Variants in ELP4 observed in about 807,000 individuals in gnomAD.
The protein encoded by ELP4 is elongator complex protein 4.
ELP4 carries 51 observed loss-of-function variants against 48.9 expected under a neutral mutation model. The ratio of observed to expected loss-of-function variants is 1.04; its 90% CI spans 0.83 to 1.32. ELP4 has a LOEUF of 1.32. Among genes scored for constraint, ELP4 ranks in the 40% most tolerant of loss-of-function variants. The pLI is 0.00. For missense variants in ELP4, 519 were observed against 514.6 expected (o/e 1.01, Z -0.08); for synonymous variants, 210 against 189.2 (o/e 1.11, Z -0.90).
intron 3 of ELP4, among the ~76,000 whole-genome samples, chr11:31,542,000 CA>C (rs1956599523): frequency 6.6e-6 from 1 of 152,224 alleles, no homozygotes; most frequent in South Asian, 2.1e-4. Context: ...CGTGTCTGAC[CA>C]AGCTGCACAT....
chr11:31,625,293 A>G (rs1326009458), intron 5 of ELP4, among the ~76,000 whole-genome samples: 1 of 151,764 alleles, frequency 6.6e-6, no homozygotes, highest in Non-Finnish European at 1.5e-5. Flanking sequence ...AAACGTCCCT[A>G]TGCAGTGCAT....
intron 5 of ELP4, among the ~76,000 whole-genome samples, chr11:31,611,975 C>G (rs938937929): frequency 6.6e-6 from 1 of 151,974 alleles, no homozygotes; most frequent in Non-Finnish European, 1.5e-5. Context: ...GGGCACTGGG[C>G]CAAGAAGTAT....
chr11:31,600,684 A>C (rs1481013141), intron 4 of ELP4: 1 of 152,192 alleles, frequency 6.6e-6, no homozygotes, highest in African/African-American at 2.4e-5. Context: ...AGCCTTGTAA[A>C]ATAATTATTA....
chr11:31,609,283 AT>A lies in ELP4; in HGVS notation c.653+5382del, dbSNP rs576628324. Among the ~76,000 whole-genome samples, 17 of 151,876 alleles carry A rather than the reference AT, an allele frequency of 1.1e-4. No individual in the cohort carries two copies. In the East Asian group the frequency reaches 2.7e-3, roughly 24 times the overall value. Reference sequence around the variant, plus strand: ...ATTTGGCACGATCTCGTTGGGCTTTATTTTTTCTTGTTCATCCCTATTATTA... The same window carrying A: ...ATTTGGCACGATCTCGTTGGGCTTTATTTTTCTTGTTCATCCCTATTATTA... On this transcript the variant is annotated intron_variant, in intron 5 of 9. Transcript: ENST00000640961.
chr11:31,711,479 C>G lies in ELP4; in HGVS notation c.1143+61258C>G, dbSNP rs537642574. Among the ~76,000 whole-genome samples the G allele has an allele frequency of 6.1e-4, 93 of 152,142 alleles. 1 individual carries two copies. Among genetic ancestry groups the G allele is most frequent in the Non-Finnish European group, 1.0e-3 (68 of 68,010 alleles). On this transcript the variant is annotated intron_variant, in intron 9 of 9. Transcript: ENST00000640961. ...AAAGCACCAGTGAACTAATAATTAT[C>G]TCCTCTTTGTCATCAGAGTGGCCTA...
chr11:31,671,937 C>A (rs892162843), intron 9 of ELP4, among the ~76,000 whole-genome samples: 1 of 152,150 alleles, frequency 6.6e-6, no homozygotes, highest in African/African-American at 2.4e-5. Context: ...AGCTCCAGGT[C>A]TGTTACAGTA....
intron 9 of ELP4, among the ~76,000 whole-genome samples, chr11:31,772,944 C>G (rs1397793288): frequency 6.6e-6 from 1 of 152,240 alleles, no homozygotes; most frequent in Non-Finnish European, 1.5e-5. Flanking sequence ...ACCCACTTCT[C>G]TCTGGAAGAA....
chr11:31,742,900 A>C (rs369369320), intron 9 of ELP4, among the ~76,000 whole-genome samples: 1 of 152,170 alleles, frequency 6.6e-6, no homozygotes, highest in Non-Finnish European at 1.5e-5. Context: ...ACACATAACA[A>C]TATTAACTTT....
At chr11:31,560,752 AT>A (rs1957012565) in intron 3 of ELP4, among the ~76,000 whole-genome samples, 1 of 151,282 alleles carries the variant, frequency 6.6e-6, no homozygotes, top group Admixed American at 6.6e-5. Flanking sequence ...TTGTATATAT[AT>A]ACGTACAGTC....
chr11:31,533,816 T>G (rs918435610), intron 2 of ELP4, among the ~76,000 whole-genome samples: 4 of 150,704 alleles, frequency 2.7e-5, no homozygotes, highest in South Asian at 2.1e-4. Context: ...TAGGTAAGAG[T>G]TTTTTTTGTT....
intron 9 of ELP4, among the ~76,000 whole-genome samples, chr11:31,781,301 T>C (rs1327442153): frequency 6.6e-6 from 1 of 152,118 alleles, no homozygotes; most frequent in Non-Finnish European, 1.5e-5. Flanking sequence ...AGATTATGCA[T>C]GTATCCTGGT....
At position 31,627,169 on chromosome 11, in the gene ELP4, A is replaced by G. The variant is rs1210765031; in HGVS notation, c.713A>G (p.Glu238Gly). The G allele has an allele frequency of 6.4e-7, 1 of 1,573,770 alleles. No individual in the cohort carries two copies. Among genetic ancestry groups the G allele is most frequent in the Non-Finnish European group, 8.7e-7 (1 of 1,155,896 alleles). Residue 238 changes from glutamate to glycine, a missense_variant, in exon 6 of 10, where the codon GAA (glutamate) becomes GGA (glycine). By Grantham distance (98) the Glu-to-Gly change is moderately conservative. Coordinates refer to ENST00000640961, the MANE Select transcript of ELP4 (RefSeq NM_019040.5). ...TTTATCCAGAACATCATTTATGAGGAAGGATTTGATGGATCCAATCCTCAG... is the reference window on the plus strand; with the variant it reads ...TTTATCCAGAACATCATTTATGAGGGAGGATTTGATGGATCCAATCCTCAG... ...LQFIQNIIYE[E>G]GFDGSNPQKK...
rs117593333 is a variant in ELP4 at position 31,613,504 on chromosome 11, T to C, written c.653+9597T>C. Among the ~76,000 whole-genome samples, 926 of 152,260 alleles carry C rather than the reference T, an allele frequency of 6.1e-3. 8 individuals carry two copies. The highest frequency in any genetic ancestry group is 9.4e-3 in the Non-Finnish European group (641 of 68,022). On this transcript the variant is annotated intron_variant, in intron 5 of 9. Transcript: ENST00000640961. ...TGTTTATTGGTAAAACTCTTCTTTT[T>C]AGAATCAAAAACATTTTTATCAGCA...
At chr11:31,598,928 C>T (rs1957728723) in intron 4 of ELP4, 2 of 152,132 alleles carry the variant, frequency 1.3e-5, no homozygotes, top group African/African-American at 4.8e-5. Context: ...TAAAAGATTA[C>T]TTTACCAGAA....
chr11:31,557,951 T>G (rs1013417290), intron 3 of ELP4, among the ~76,000 whole-genome samples: 5 of 152,094 alleles, frequency 3.3e-5, no homozygotes, highest in African/African-American at 1.2e-4. Flanking sequence ...CTATATATCT[T>G]TTGTTCATCA....
chr11:31,656,883 A>G (rs1945447766), intron 9 of ELP4, among the ~76,000 whole-genome samples: 1 of 152,178 alleles, frequency 6.6e-6, no homozygotes, highest in Non-Finnish European at 1.5e-5. Flanking sequence ...TTTCTTCAAG[A>G]CTTTGTAGAA....
Position 31,539,710 on chromosome 11 carries a change from T to C in ELP4, c.308T>C (p.Leu103Pro). The change falls in exon 3 of 10, where the codon CTG becomes CCG. Residue 103 changes from leucine (L) to proline (P), a missense_variant. Leu to Pro is a moderately conservative substitution (Grantham distance 98). Coordinates refer to ENST00000640961, the MANE Select transcript of ELP4 (RefSeq NM_019040.5). Reference protein sequence around the residue: ...IYSPLLFKYFLAEGIVNGHTL... With the variant: ...IYSPLLFKYFPAEGIVNGHTL... ...TCACCTTTGCTCTTCAAGTATTTCC[T>C]GGCAGAAGGAATTGTCAATGGGCAT... 6.2e-7 allele frequency: 1 copy of C among 1,611,238 alleles called. No individual in the cohort carries two copies. The highest frequency in any genetic ancestry group is 8.5e-7 in the Non-Finnish European group (1 of 1,178,592).
chr11:31,656,005 G>T (rs1047117734), intron 9 of ELP4, among the ~76,000 whole-genome samples: 4 of 151,876 alleles, frequency 2.6e-5, no homozygotes, highest in African/African-American at 9.7e-5. Context: ...TTTCTAAGTG[G>T]TAAGCTTTTG....
At chr11:31,561,628 G>C (rs1024822191) in intron 3 of ELP4, among the ~76,000 whole-genome samples, 1 of 151,982 alleles carries the variant, frequency 6.6e-6, no homozygotes, top group African/African-American at 2.4e-5. Flanking sequence ...ATTTTTAATA[G>C]AGACGGAGTT....
Sources: gnomAD v4.1 joint callset for allele counts (sites outside exome capture counted in the v4.1 genomes callset) on GRCh38, gnomAD v4.1.1 for gene constraint, MANE v1.5 for transcripts, NCBI Gene and HGNC (gene_info 2026-07-23, HGNC 2026-07-21) for gene names.